Variants in TMOD2 observed in about 807,000 individuals in gnomAD.
The protein encoded by TMOD2 is tropomodulin-2.
TMOD2 carries 22 observed loss-of-function variants against 39.9 expected under a neutral mutation model. The observed-to-expected ratio is 0.55, with a 90% CI of 0.39 to 0.79. The LOEUF (loss-of-function observed/expected upper bound fraction) is 0.79. Ranked by LOEUF, TMOD2 falls within the 30% of genes least tolerant of loss-of-function variation. TMOD2 has a pLI of 0.00. For missense variants in TMOD2, 386 were observed against 413.3 expected, an observed-to-expected ratio of 0.93 and a Z score of 0.57; for synonymous variants, 123 against 146.1, an observed-to-expected ratio of 0.84 and a Z score of 1.14.
In TMOD2 at chr15:51,773,742, T is replaced by C. The variant is rs114173673; in HGVS notation, c.314T>C (p.Ile105Thr). ...GRVFIPKEKP[I>T]ETRKEEKVTL... ...GTCTTTATCCCTAAAGAAAAGCCTA[T>C]AGAAACTCGTAAAGAAGAAAAAGTG... The change falls in exon 4 of 10, where the codon ATA becomes ACA. Residue 105 changes from isoleucine to threonine, a missense_variant. Coordinates refer to ENST00000249700, the MANE Select transcript of TMOD2 (RefSeq NM_014548.4). 6.1e-5 allele frequency: 99 copies of C among 1,612,398 alleles called. No individual in the cohort carries two copies. The East Asian group carries it at 2.1e-3, about 34-fold the overall frequency.
Position 51,798,209 on chromosome 15 carries a change from A to C in TMOD2, c.745A>C (p.Met249Leu). 6.2e-7 allele frequency: 1 copy of C among 1,600,166 alleles called. No individual in the cohort carries two copies. Among genetic ancestry groups the C allele is most frequent in the Non-Finnish European group, 8.5e-7 (1 of 1,176,504 alleles). Reference protein sequence around the residue: ...NDPVAIAFADMLKVNKTLTSL... With the variant: ...NDPVAIAFADLLKVNKTLTSL... ...TTTGCATCATAAGGCTTTTGCAGAC[A>C]TGCTGAAAGTAAACAAGACCTTGAC... The change falls in exon 8 of 10, where the codon ATG becomes CTG. Residue 249 changes from methionine to leucine, a missense_variant. Met to Leu is a conservative substitution (Grantham distance 15). Transcript: ENST00000249700.
intron 1 of TMOD2, among the ~76,000 whole-genome samples, chr15:51,755,626 C>T (rs1337002789): frequency 6.6e-6 from 1 of 152,126 alleles, no homozygotes; most frequent in African/African-American, 2.4e-5. Flanking sequence ...GTCCAGTGAG[C>T]TGGGCTGCTA....
At chr15:51,762,452 C>T (rs965987690) in intron 1 of TMOD2, among the ~76,000 whole-genome samples, 1 of 152,038 alleles carries the variant, frequency 6.6e-6, no homozygotes, top group East Asian at 1.9e-4. Context: ...AGACTGAGAC[C>T]GTGTCTCAAA....
chr15:51,769,479 G>T (rs762272908), intron 3 of TMOD2, among the ~76,000 whole-genome samples: 1 of 152,198 alleles, frequency 6.6e-6, no homozygotes, highest in Non-Finnish European at 1.5e-5. Context: ...TGCCCTCAAG[G>T]AGCTTGTAGT....
In TMOD2 at chr15:51,809,154, GA is replaced by G. The variant is rs1349326577; in HGVS notation, c.*701del. On this transcript the variant is annotated 3_prime_UTR_variant, in exon 10 of 10. Coordinates refer to ENST00000249700, the MANE Select transcript of TMOD2 (RefSeq NM_014548.4). ...AATGAATTACACACCTACTTTTACT[GA>G]CTATTCAACATAAATTGAATCTTTA... 1 of 152,592 alleles carries G rather than the reference GA, an allele frequency of 6.6e-6. No individual in the cohort carries two copies. Among genetic ancestry groups the G allele is most frequent in the Non-Finnish European group, 1.5e-5 (1 of 68,028 alleles). 9.5% of individuals were successfully genotyped at this position (152,592 alleles called of 1,614,324 possible). A position where few individuals can be genotyped will look rare whatever the true frequency, so the allele number is the denominator to read the frequency against.
At chr15:51,757,289 C>A (rs949557014) in intron 1 of TMOD2, among the ~76,000 whole-genome samples, 1 of 151,094 alleles carries the variant, frequency 6.6e-6, no homozygotes, top group African/African-American at 2.4e-5. Context: ...GTAGTCCCAG[C>A]TTCTCGGGAG....
At chr15:51,769,602 C>A (rs953988849) in intron 3 of TMOD2, among the ~76,000 whole-genome samples, 1 of 152,210 alleles carries the variant, frequency 6.6e-6, no homozygotes, top group Non-Finnish European at 1.5e-5. Context: ...TAGCTCCCGA[C>A]CCTGTGCTCC....
intron 7 of TMOD2, among the ~76,000 whole-genome samples, chr15:51,794,771 T>G (rs1208379281): frequency 2.0e-5 from 3 of 152,218 alleles, no homozygotes; most frequent in Non-Finnish European, 4.4e-5. Flanking sequence ...AGAAAATTTT[T>G]TATTCTCTAT....
chr15:51,805,100 A>G (rs753025389), intron 8 of TMOD2, among the ~76,000 whole-genome samples: 1 of 151,812 alleles, frequency 6.6e-6, no homozygotes, highest in Non-Finnish European at 1.5e-5. Context: ...CTGGGACTAC[A>G]TTTGCATGCC....
At chr15:51,795,696 CTT>C (rs1266570679) in intron 7 of TMOD2, among the ~76,000 whole-genome samples, 1 of 150,078 alleles carries the variant, frequency 6.7e-6, no homozygotes, top group Non-Finnish European at 1.5e-5. Flanking sequence ...ATCCACATCT[CTT>C]AAGGTTTTCT....
At chr15:51,779,954 T>C (rs1199315465) in intron 5 of TMOD2, among the ~76,000 whole-genome samples, 1 of 152,192 alleles carries the variant, frequency 6.6e-6, no homozygotes, top group Non-Finnish European at 1.5e-5. Context: ...AGTGCTGGGA[T>C]TATAGGTGTG....
chr15:51,792,925 A>ATGGG (rs1412524191), intron 7 of TMOD2, among the ~76,000 whole-genome samples: 2 of 152,174 alleles, frequency 1.3e-5, no homozygotes, highest in African/African-American at 4.8e-5. Context: ...TGACAGGTTG[A>ATGGG]TGGGTGCAGC....
chr15:51,775,734 C>T (rs776245460), intron 4 of TMOD2, among the ~76,000 whole-genome samples: 4 of 151,938 alleles, frequency 2.6e-5, no homozygotes, highest in African/African-American at 7.2e-5. Flanking sequence ...CCCGCCACCA[C>T]GCCCAGCTAA....
At chr15:51,759,448 G>A (rs1221843392) in intron 1 of TMOD2, among the ~76,000 whole-genome samples, 1 of 152,200 alleles carries the variant, frequency 6.6e-6, no homozygotes, top group Non-Finnish European at 1.5e-5. Flanking sequence ...CCTCCAGAGA[G>A]AATATGTAGT....
intron 4 of TMOD2, among the ~76,000 whole-genome samples, chr15:51,775,286 C>T (rs2055879008): frequency 6.6e-6 from 1 of 152,142 alleles, no homozygotes; most frequent in South Asian, 2.1e-4. Flanking sequence ...AGTTCCCAGC[C>T]CTAAACTGTG....
chr15:51,794,379 C>G (rs2056033530), intron 7 of TMOD2, among the ~76,000 whole-genome samples: 1 of 152,188 alleles, frequency 6.6e-6, no homozygotes, highest in African/African-American at 2.4e-5. Context: ...CAGAAGCAAT[C>G]ACTATTAGCA....
rs755651678 is a variant in TMOD2, at chr15:51,806,393, C to T, written c.893C>T (p.Thr298Ile). The change falls in exon 9 of 10, where the codon ACA (threonine) becomes ATA (isoleucine). Residue 298 changes from threonine (T) to isoleucine (I), a missense_variant. Physicochemically the swap from Thr to Ile is moderately conservative, Grantham distance 89. Coordinates refer to ENST00000249700, the MANE Select transcript of TMOD2 (RefSeq NM_014548.4). The stretch of plus-strand genomic sequence containing the variant: ...TGCAACCAGAGGCAGCAGTTGGGAA[C>T]AGCTGTAGAGATGGAAATTGCCCAG... ...KIDNQRQQLG[T>I]AVEMEIAQML... The T allele has an allele frequency of 6.2e-7, 1 of 1,614,148 alleles. No homozygotes were observed.
At position 51,773,918 on chromosome 15, in the gene TMOD2, C is replaced by G. The variant is rs529414264; in HGVS notation, c.406+84C>G. 2.7e-6 allele frequency: 4 copies of G among 1,456,564 alleles called. No homozygotes were observed. The Admixed American group carries it at 6.9e-5, about 25-fold the overall frequency. 90.2% of individuals were successfully genotyped at this position (1,456,564 alleles called of 1,614,324 possible). On this transcript the variant is annotated intron_variant, in intron 4 of 9. Coordinates refer to ENST00000249700, the MANE Select transcript of TMOD2 (RefSeq NM_014548.4). ...GGCACCCATGGCAGCAGGCTTTGAGCTTCTCTTAGGTAGGAGAATGACAGG... is the reference window on the plus strand; with the variant it reads ...GGCACCCATGGCAGCAGGCTTTGAGGTTCTCTTAGGTAGGAGAATGACAGG...
intron 1 of TMOD2, among the ~76,000 whole-genome samples, chr15:51,763,059 C>T (rs754492939): frequency 8.6e-5 from 13 of 151,942 alleles, no homozygotes; most frequent in African/African-American, 1.2e-4. Context: ...CCCAACCTCC[C>T]GAATAACTGG....
Sources: gnomAD v4.1 joint callset for allele counts (sites outside exome capture counted in the v4.1 genomes callset) on GRCh38, gnomAD v4.1.1 for gene constraint, MANE v1.5 for transcripts, NCBI Gene and HGNC (gene_info 2026-07-23, HGNC 2026-07-21) for gene names.